Variants in SMAD6 observed in about 807,000 individuals in gnomAD.
SMAD6 encodes the protein SMAD family member 6.
In SMAD6, 103 loss-of-function variants were observed where a neutral mutation model predicts 39.4. That is an observed-to-expected ratio of 2.62 (90% CI 2.23 to 3.08). The LOEUF is 3.08. SMAD6 is among the 30% of genes most tolerant of loss of function. The probability of loss-of-function intolerance (pLI) is 0.00; values close to 1 mark genes in which losing one functional copy is unlikely to be tolerated. For missense variants in SMAD6, 1,104 were observed against 742.9 expected (o/e 1.49, Z -5.65); for synonymous variants, 445 against 353.3 (o/e 1.26, Z -2.91).
At chr15:66,769,646 G>A (rs1452973797) in intron 3 of SMAD6, among the ~76,000 whole-genome samples, 2 of 152,212 alleles carry the variant, frequency 1.3e-5, no homozygotes, top group Non-Finnish European at 2.9e-5. Flanking sequence ...TGAGAGCTGA[G>A]ACAGGCTAAT....
intron 3 of SMAD6, among the ~76,000 whole-genome samples, chr15:66,744,993 A>C (rs1893882789): frequency 6.6e-6 from 1 of 152,150 alleles, no homozygotes; most frequent in African/African-American, 2.4e-5. Flanking sequence ...GGAGAGGGTC[A>C]ATTGCCAAGA....
At position 66,703,298 on chromosome 15, in the gene SMAD6, T is replaced by TG; in HGVS notation, c.42dup (p.Arg15AlafsTer30). 6.7e-7 allele frequency: 1 copy of TG among 1,491,768 alleles called. No individual in the cohort carries two copies. Among genetic ancestry groups the TG allele is most frequent in the Non-Finnish European group, 8.9e-7 (1 of 1,120,224 alleles). The allele number at this position is 1,491,768 out of a possible 1,614,324, so 92.4% of individuals were successfully genotyped here. ...ACGCTCGGGGCTGGTGCGGCGACTT[T>TG]GGCGAAGTCGTGTGGTCCCCGACCG... On this transcript the variant is annotated frameshift_variant, in exon 1 of 4. Coordinates refer to ENST00000288840, the MANE Select transcript of SMAD6 (RefSeq NM_005585.5). LOFTEE classifies it high-confidence loss of function.
At chr15:66,766,811 C>G (rs1010184813) in intron 3 of SMAD6, among the ~76,000 whole-genome samples, 3 of 152,176 alleles carry the variant, frequency 2.0e-5, no homozygotes, top group Non-Finnish European at 4.4e-5. Flanking sequence ...GAGTTCAGCC[C>G]AGATGTCTCC....
At chr15:66,752,583 G>A (rs1487913073) in intron 3 of SMAD6, among the ~76,000 whole-genome samples, 1 of 151,912 alleles carries the variant, frequency 6.6e-6, no homozygotes, top group Admixed American at 6.6e-5. Context: ...CTGGGAGTTC[G>A]AGACCAGACT....
At position 66,747,872 on chromosome 15, in the gene SMAD6, C is replaced by T. The variant is rs1050677806; in HGVS notation, c.952+31374C>T. 6.6e-6 allele frequency among the ~76,000 whole-genome samples: 1 copy of T among 152,140 alleles called. No homozygotes were observed. The highest frequency in any genetic ancestry group is 2.4e-5 in the African/African-American group (1 of 41,414). ...CCTCGTAGGAACCCTTAATCCTTCC[C>T]ATTCTCACCCCTGCAGAGATGGCCT... On this transcript the variant is annotated intron_variant, in intron 3 of 3. Coordinates refer to ENST00000288840, the MANE Select transcript of SMAD6 (RefSeq NM_005585.5). The surrounding 1 kb of genome is among the most constrained non-coding windows in gnomAD (Gnocchi z 4.5).
intron 3 of SMAD6, among the ~76,000 whole-genome samples, chr15:66,739,089 C>CT (rs56853022): frequency 0.016 from 2,195 of 135,706 alleles, 26 homozygotes; most frequent in East Asian, 0.037. Context: ...TTTTCTTCTT[C>CT]TTTTTTTTTT....
rs1595757271 is a variant in SMAD6, at chr15:66,703,871, T to C, written c.613T>C (p.Cys205Arg). 1.5e-6 allele frequency: 2 copies of C among 1,318,680 alleles called. No individual in the cohort carries two copies. The highest frequency in any genetic ancestry group is 1.5e-5 in the African/African-American group (1 of 65,362). 81.7% of individuals were successfully genotyped at this position (1,318,680 alleles called of 1,614,324 possible). A position where few individuals can be genotyped will look rare whatever the true frequency, so the allele number is the denominator to read the frequency against. Residue 205 changes from cysteine (C) to arginine (R), a missense_variant, in exon 1 of 4, where the codon TGC (cysteine) becomes CGC (arginine). Coordinates refer to ENST00000288840, the MANE Select transcript of SMAD6 (RefSeq NM_005585.5). ...GTCCCGCGGCGGCGTGCCGGGCGGC[T>C]GCGTGCTGGTGCCGCGCGCCGACCT... is the stretch of plus-strand genomic sequence containing the variant. ...VESRGGVPGG[C>R]VLVPRADLRL...
At chr15:66,773,508 C>A (rs563497202) in intron 3 of SMAD6, among the ~76,000 whole-genome samples, 1 of 152,260 alleles carries the variant, frequency 6.6e-6, no homozygotes, top group South Asian at 2.1e-4. Context: ...GTGGAAACTC[C>A]TTTTTCCCTC....
Position 66,702,290 on chromosome 15 carries a change from T to G in SMAD6, c.-969T>G, listed in dbSNP as rs1486242174. 1 of 152,066 alleles carries G rather than the reference T, an allele frequency of 6.6e-6. No homozygotes were observed. The highest frequency in any genetic ancestry group is 1.9e-4 in the East Asian group (1 of 5,170). The allele number at this position is 152,066 out of a possible 1,614,324, so 9.4% of individuals were successfully genotyped here. The stretch of plus-strand genomic sequence containing the variant: ...GGCGCTCCTCCGGGGGCCCTCAGTG[T>G]GCGTTTGAGGAGAACAAAAAAGAGA... On this transcript the variant is annotated 5_prime_UTR_variant, in exon 1 of 4. Transcript: ENST00000288840.
At chr15:66,737,605 C>A (rs1449852580) in intron 3 of SMAD6, among the ~76,000 whole-genome samples, 1 of 152,094 alleles carries the variant, frequency 6.6e-6, no homozygotes, top group East Asian at 1.9e-4. Context: ...GAGAGATCCC[C>A]CTTTCCCACC....
chr15:66,779,688 C>T (rs944804369), intron 3 of SMAD6, among the ~76,000 whole-genome samples: 15 of 152,226 alleles, frequency 9.9e-5, no homozygotes, highest in African/African-American at 3.6e-4. Flanking sequence ...GAAGTGTTGT[C>T]CTCTGGGATT....
chr15:66,702,348 C>G lies in SMAD6; in HGVS notation c.-911C>G, dbSNP rs1388082880. 6.6e-6 allele frequency: 1 copy of G among 151,670 alleles called. No homozygotes were observed. The highest frequency in any genetic ancestry group is 6.6e-5 in the Admixed American group (1 of 15,230). 9.4% of individuals were successfully genotyped at this position (151,670 alleles called of 1,614,324 possible). On this transcript the variant is annotated 5_prime_UTR_variant, in exon 1 of 4. Coordinates refer to ENST00000288840, the MANE Select transcript of SMAD6 (RefSeq NM_005585.5). ...CCGAGCGGGGGAGCGATCGAGGGAG[C>G]TGAGCCGAGAGAAAGAGCCGCCGGG...
At chr15:66,762,506 G>A (rs889045115) in intron 3 of SMAD6, among the ~76,000 whole-genome samples, 2 of 152,178 alleles carry the variant, frequency 1.3e-5, no homozygotes, top group Admixed American at 6.5e-5. Context: ...TTCAAGGCCT[G>A]GGCAGCCCTC....
At position 66,781,404 on chromosome 15, in the gene SMAD6, G is replaced by A. The variant is rs754474911; in HGVS notation, c.1360G>A (p.Ala454Thr). Residue 454 changes from alanine to threonine, a missense_variant, in exon 4 of 4, where the codon GCC (alanine) becomes ACC (threonine). Physicochemically the swap from Ala to Thr is moderately conservative, Grantham distance 58 (BLOSUM62 0). Coordinates refer to ENST00000288840, the MANE Select transcript of SMAD6 (RefSeq NM_005585.5). Reference sequence around the variant, plus strand: ...CCTGCAGCACGCGCCCGAGCCCGACGCCGCCGACGGCCCCTACGACCCCAA... The same window carrying A: ...CCTGCAGCACGCGCCCGAGCCCGACACCGCCGACGGCCCCTACGACCCCAA... ...SGLQHAPEPD[A>T]ADGPYDPNSV... 6.2e-7 allele frequency: 1 copy of A among 1,603,114 alleles called. No homozygotes were observed. The highest frequency in any genetic ancestry group is 2.2e-5 in the East Asian group (1 of 44,728).
At chr15:66,713,432 G>A (rs1893269322) in intron 2 of SMAD6, among the ~76,000 whole-genome samples, 1 of 152,200 alleles carries the variant, frequency 6.6e-6, no homozygotes. Context: ...CGATTCTTCT[G>A]CCTCAGCCTC....
At chr15:66,765,590 A>G (rs559545661) in intron 3 of SMAD6, among the ~76,000 whole-genome samples, 1 of 152,128 alleles carries the variant, frequency 6.6e-6, no homozygotes, top group South Asian at 2.1e-4. Flanking sequence ...CAGAGGGGAG[A>G]GCTCATTGAT....
At chr15:66,719,548 G>T (rs1334012956) in intron 3 of SMAD6, among the ~76,000 whole-genome samples, 1 of 152,240 alleles carries the variant, frequency 6.6e-6, no homozygotes, top group Non-Finnish European at 1.5e-5. Flanking sequence ...CAAACAGGGT[G>T]TCTGCAGCCC....
chr15:66,771,756 C>T (rs1894383461), intron 3 of SMAD6, among the ~76,000 whole-genome samples: 2 of 152,188 alleles, frequency 1.3e-5, no homozygotes, highest in Non-Finnish European at 2.9e-5. Context: ...ATGAATGAAG[C>T]GTGTAGAGCG....
chr15:66,738,428 G>C (rs544136648), intron 3 of SMAD6, among the ~76,000 whole-genome samples: 1 of 152,326 alleles, frequency 6.6e-6, no homozygotes, highest in South Asian at 2.1e-4. Flanking sequence ...CATGGCAGGG[G>C]GTTGTGAGAG....
Sources: allele counts gnomAD v4.1 joint callset (sites outside exome capture counted in the v4.1 genomes callset), GRCh38; gene constraint gnomAD v4.1.1; non-coding constraint Gnocchi (gnomAD v3.1); transcripts MANE v1.5; gene names NCBI Gene and HGNC (gene_info 2026-07-23, HGNC 2026-07-21).